Variants in LAMA4 observed in about 807,000 individuals in gnomAD.
The protein encoded by LAMA4 is laminin subunit alpha 4.
Under a neutral mutation model 207.1 loss-of-function variants are expected in LAMA4, and 127 were observed. The ratio of observed to expected loss-of-function variants is 0.61; its 90% CI spans 0.53 to 0.71. LAMA4 has a LOEUF of 0.71. LAMA4 is among the 30% of genes least tolerant of loss of function. The pLI, the probability that LAMA4 is intolerant of heterozygous loss-of-function variation, is 0.00. For synonymous variants in LAMA4, 761 were observed against 816.0 expected (o/e 0.93, Z 1.15); for missense variants, 2,093 against 2,246.5 (o/e 0.93, Z 1.38).
intron 5 of LAMA4, among the ~76,000 whole-genome samples, chr6:112,200,776 A>G (rs1200942409): frequency 6.6e-6 from 1 of 152,108 alleles, no homozygotes; most frequent in Non-Finnish European, 1.5e-5. Flanking sequence ...ACAAACTAAC[A>G]CAGGAACAGA....
chr6:112,178,194 C>T lies in LAMA4; in HGVS notation c.1116G>A (p.Lys372=). The T allele has an allele frequency of 6.2e-7, 1 of 1,613,934 alleles. No individual in the cohort carries two copies. The highest frequency in any genetic ancestry group is 8.5e-7 in the Non-Finnish European group (1 of 1,179,854). ...QASRKGQLVQ[K]ESMDTINHAS... ...CGTGGTTAATGGTGTCCATGCTTTC[C>T]TTCTGAACAAGTTGTCCTTTTCTGG... The change falls in exon 10 of 39, where the codon AAG becomes AAA. Residue 372 remains lysine, a synonymous_variant. Transcript: ENST00000230538.
chr6:112,167,840 TCACACACA>T (rs71021873), intron 12 of LAMA4, among the ~76,000 whole-genome samples: 7,443 of 125,792 alleles, frequency 0.059, 251 homozygotes, highest in East Asian at 0.088. Context: ...ATGCATACCA[TCACACACA>T]CACACACACA....
At chr6:112,253,697 T>C in intron 2 of LAMA4, 1 of 1,568,464 alleles carries the variant, frequency 6.4e-7, no homozygotes, top group African/African-American at 1.3e-5. Flanking sequence ...GTCTAGCGGA[T>C]GAACTCAGAG....
At chr6:112,239,567 A>G (rs1286924571) in intron 2 of LAMA4, among the ~76,000 whole-genome samples, 3 of 152,172 alleles carry the variant, frequency 2.0e-5, no homozygotes, top group Non-Finnish European at 4.4e-5. Context: ...GCATTTCACA[A>G]GTGACTGCTG....
At position 112,117,729 on chromosome 6, in the gene LAMA4, C is replaced by T; in HGVS notation, c.4981+10G>A. On this transcript the variant is annotated intron_variant, in intron 35 of 38. Coordinates refer to ENST00000230538, the MANE Select transcript of LAMA4 (RefSeq NM_001105206.3). The surrounding 1 kb of genome is among the most constrained non-coding windows in gnomAD (Gnocchi z 4.5). ...TTCATGACTCATATTTTTAACATGA[C>T]TAATGTTACCTAGAACCACGTATCC... 1 of 1,611,206 alleles carries T rather than the reference C, an allele frequency of 6.2e-7. No individual in the cohort carries two copies. Among genetic ancestry groups the T allele is most frequent in the Non-Finnish European group, 8.5e-7 (1 of 1,177,760 alleles).
At chr6:112,116,016 C>T (rs1424462137) in intron 35 of LAMA4, 23 bp from the exon 36 acceptor site, 15 of 1,603,160 alleles carry the variant, frequency 9.4e-6, no homozygotes, top group Non-Finnish European at 1.3e-5. Flanking sequence ...ACACTATAAA[C>T]TCCCAAGAAC....
At chr6:112,221,494 C>T (rs1784922504) in intron 2 of LAMA4, among the ~76,000 whole-genome samples, 1 of 152,306 alleles carries the variant, frequency 6.6e-6, no homozygotes, top group South Asian at 2.1e-4. Flanking sequence ...TGTTCAGAAT[C>T]ATTGCTACCA....
intron 2 of LAMA4, among the ~76,000 whole-genome samples, chr6:112,235,318 A>G (rs1452421171): frequency 1.3e-5 from 2 of 152,196 alleles, no homozygotes; most frequent in African/African-American, 4.8e-5. Context: ...AACAGGTATT[A>G]TATATATTTT....
chr6:112,254,091 G>A lies in LAMA4; in HGVS notation c.60C>T (p.Ala20=). Residue 20 remains alanine (A), a synonymous_variant, in exon 2 of 39, where the codon GCC becomes GCT. Transcript: ENST00000230538. Reference sequence around the variant, plus strand: ...CGTCCCCGGACGCGGCGCGGGAGCAGGCAGCGCTCCAGAGGAGCCACAGAG... The same window carrying A: ...CGTCCCCGGACGCGGCGCGGGAGCAAGCAGCGCTCCAGAGGAGCCACAGAG... The part of the protein sequence containing the change: ...VLPLWLLWSA[A]CSRAASGDDN... The A allele has an allele frequency of 1.9e-6, 3 of 1,612,532 alleles. No individual in the cohort carries two copies. Among genetic ancestry groups the A allele is most frequent in the Non-Finnish European group, 2.5e-6 (3 of 1,179,764 alleles).
intron 3 of LAMA4, chr6:112,213,970 A>G: frequency 2.8e-6 from 2 of 717,344 alleles, no homozygotes; most frequent in Non-Finnish European, 5.2e-6. Context: ...GTGAGCTACA[A>G]GAAGTGTTCA....
At chr6:112,115,839 T>C in intron 36 of LAMA4, 24 bp downstream of exon 36, 1 of 1,610,582 alleles carries the variant, frequency 6.2e-7, no homozygotes, top group East Asian at 2.2e-5. Flanking sequence ...TGAGACAAAT[T>C]GTTAAACATT....
At chr6:112,119,805 G>C (rs73530795) in intron 33 of LAMA4, among the ~76,000 whole-genome samples, 9,627 of 152,158 alleles carry the variant, frequency 0.063, 980 homozygotes, top group African/African-American at 0.22. Context: ...TTCTCTCCCA[G>C]TTAAACTTCT....
rs1554330550 is a variant in LAMA4, at chr6:112,133,407, T to A, written c.3638A>T (p.Asn1213Ile). 6.2e-7 allele frequency: 1 copy of A among 1,613,904 alleles called. No homozygotes were observed. The highest frequency in any genetic ancestry group is 1.7e-5 in the Admixed American group (1 of 60,000). ...CAGGGTTTCTGTCTGCTCCAGTAAA[T>A]TGAAGTCCTTCTTTTGGAACTGGAA... Reference protein sequence around the residue: ...KGFQFQKKDFNLLEQTETLGV... With the variant: ...KGFQFQKKDFILLEQTETLGV... Residue 1213 changes from asparagine to isoleucine, a missense_variant, in exon 27 of 39, where the codon AAT becomes ATT. Coordinates refer to ENST00000230538, the MANE Select transcript of LAMA4 (RefSeq NM_001105206.3).
intron 4 of LAMA4, among the ~76,000 whole-genome samples, chr6:112,202,253 A>G (rs1196812522): frequency 6.6e-6 from 1 of 152,200 alleles, no homozygotes; most frequent in East Asian, 1.9e-4. Flanking sequence ...TATCCCATGG[A>G]ACCCTCTCTC....
At chr6:112,120,954 G>A (rs587707033) in intron 32 of LAMA4, among the ~76,000 whole-genome samples, 41 of 152,138 alleles carry the variant, frequency 2.7e-4, no homozygotes, top group African/African-American at 9.6e-4. Context: ...CGCACCTGTA[G>A]TCCCAGCTAC....
chr6:112,181,074 G>A (rs561377794), intron 9 of LAMA4, among the ~76,000 whole-genome samples: 36 of 152,044 alleles, frequency 2.4e-4, no homozygotes, highest in Non-Finnish European at 4.7e-4. Flanking sequence ...CCTCCAACTG[G>A]TCACCAAGTC....
chr6:112,127,217 A>T (rs1554327949), intron 31 of LAMA4, among the ~76,000 whole-genome samples: 1 of 152,134 alleles, frequency 6.6e-6, no homozygotes, highest in African/African-American at 2.4e-5. Context: ...ATAAATAATA[A>T]ACATAATAAA....
In LAMA4 at chr6:112,142,110, T is replaced by C. The variant is rs782060488; in HGVS notation, c.2667+9A>G. On this transcript the variant is annotated intron_variant, in intron 20 of 38. Coordinates refer to ENST00000230538, the MANE Select transcript of LAMA4 (RefSeq NM_001105206.3). Reference sequence around the variant, plus strand: ...ATATTATTCCCTCCTTTCAAACTCATGTGCTTACGTTTTTGCTTCCGAGGT... The same window carrying C: ...ATATTATTCCCTCCTTTCAAACTCACGTGCTTACGTTTTTGCTTCCGAGGT... 1 of 1,614,010 alleles carries C rather than the reference T, an allele frequency of 6.2e-7. No individual in the cohort carries two copies. The highest frequency in any genetic ancestry group is 1.1e-5 in the South Asian group (1 of 91,078).
intron 11 of LAMA4, among the ~76,000 whole-genome samples, chr6:112,173,488 G>A (rs1781843309): frequency 6.6e-6 from 1 of 152,194 alleles, no homozygotes. Context: ...GAAAGTGTTG[G>A]AAAATGCATT....
Sources: allele counts gnomAD v4.1 joint callset (sites outside exome capture counted in the v4.1 genomes callset), GRCh38; gene constraint gnomAD v4.1.1; non-coding constraint Gnocchi (gnomAD v3.1); transcripts MANE v1.5; gene names NCBI Gene and HGNC (gene_info 2026-07-23, HGNC 2026-07-21).